PDE4DIP: variants seen among roughly 807,000 people sequenced by gnomAD.
PDE4DIP encodes phosphodiesterase 4D interacting protein, also known as myomegalin.
A neutral mutation model predicts 221.4 loss-of-function variants in PDE4DIP; 59 were observed. That is an observed-to-expected ratio of 0.27 (90% CI 0.22 to 0.33). The LOEUF (loss-of-function observed/expected upper bound fraction) is 0.33, where lower values mean the gene tolerates loss of function less well. Among genes scored for constraint, PDE4DIP ranks in the 10% least tolerant of loss-of-function variants. The pLI is 1.00. For synonymous variants in PDE4DIP, 404 were observed against 815.9 expected, an observed-to-expected ratio of 0.50 and a Z score of 8.60; for missense variants, 1,036 against 2,154.2, an observed-to-expected ratio of 0.48 and a Z score of 10.28.
At chr1:148,877,007 G>A (rs1358538580) in intron 3 of PDE4DIP, among the ~76,000 whole-genome samples, 7 of 144,144 alleles carry the variant, frequency 4.9e-5, no homozygotes, top group Non-Finnish European at 7.4e-5. Flanking sequence ...GCTAGACTCC[G>A]TCTCAAAAAA....
chr1:148,933,609 G>A (rs2048551191), intron 4 of PDE4DIP, among the ~76,000 whole-genome samples: 1 of 152,166 alleles, frequency 6.6e-6, no homozygotes, highest in Non-Finnish European at 1.5e-5. Flanking sequence ...GCATAAGACT[G>A]TGGTGGTATA....
exon 21 of PDE4DIP, chr1:148,981,349 A>G (rs1553542787): frequency 6.2e-7 from 1 of 1,614,080 alleles, no homozygotes; most frequent in Non-Finnish European, 8.5e-7. Flanking sequence ...AGTTCTTGGA[A>G]GAAGCTTGGA....
chr1:148,978,261 T>A lies in PDE4DIP; in HGVS notation c.2437-17T>A, dbSNP rs2060535114. On this transcript the variant is annotated splice_polypyrimidine_tract_variant and intron_variant, in intron 18 of 43. Coordinates refer to ENST00000369354, the Ensembl canonical transcript of PDE4DIP. ...TTATTACTATTTTCACATCCATACT[T>A]ATTTTTTGACTTCTAGGACCTGCAA... The A allele has an allele frequency of 6.3e-7, 1 of 1,577,326 alleles. No homozygotes were observed. The highest frequency in any genetic ancestry group is 8.6e-7 in the Non-Finnish European group (1 of 1,156,110).
chr1:148,998,432 G>A (rs1165491668), intron 23 of PDE4DIP, 57 bp downstream of exon 26: 20 of 887,442 alleles, frequency 2.3e-5, no homozygotes, highest in Non-Finnish European at 3.3e-5. Flanking sequence ...CCACAGCCAA[G>A]GGGTGCCTAT....
chr1:149,002,956 A>G (rs367810691), exon 25 of PDE4DIP: 3 of 719,630 alleles, frequency 4.2e-6, no homozygotes, highest in Non-Finnish European at 7.4e-6. Flanking sequence ...AAACAACGCT[A>G]TCAAGATCTC....
intron 4 of PDE4DIP, among the ~76,000 whole-genome samples, chr1:148,934,646 C>A (rs1280919454): frequency 6.6e-6 from 1 of 152,090 alleles, no homozygotes; most frequent in East Asian, 1.9e-4. Flanking sequence ...CTCTGTTGCC[C>A]AGGGTGGAGT....
At chr1:148,816,460 GT>G (rs1553356276) in intron 1 of PDE4DIP, among the ~76,000 whole-genome samples, 1 of 148,722 alleles carries the variant, frequency 6.7e-6, no homozygotes, top group African/African-American at 2.4e-5. Flanking sequence ...TTCTGTTTTT[GT>G]TTTTTAAAAT....
intron 6 of PDE4DIP, 57 bp downstream of exon 9, chr1:148,960,842 C>G (rs1435943886): frequency 3.9e-6 from 2 of 517,668 alleles, no homozygotes; most frequent in Non-Finnish European, 7.0e-6. Flanking sequence ...ATGTGACTGG[C>G]TCTAGCCTGA....
intron 5 of PDE4DIP, chr1:148,942,134 C>T (rs11810894): frequency 2.0e-4 from 31 of 152,300 alleles, no homozygotes; most frequent in East Asian, 1.5e-3. Context: ...AAGTGAAGAA[C>T]GCTAATTTAC....
chr1:148,984,045 TTAGA>T (rs1466063547), intron 21 of PDE4DIP: 4 of 152,186 alleles, frequency 2.6e-5, no homozygotes, highest in African/African-American at 4.8e-5. Context: ...ATAAATGTCC[TTAGA>T]TAGATATTGT....
rs782305512 is a variant in PDE4DIP, at chr1:149,032,094, C to A, written c.*109C>A. The A allele has an allele frequency of 3.1e-6, 5 of 1,600,068 alleles. No individual in the cohort carries two copies. The South Asian group carries it at 5.6e-5, about 18-fold the overall frequency. On this transcript the variant is annotated 3_prime_UTR_variant, in exon 44 of 44. Coordinates refer to ENST00000369354, the Ensembl canonical transcript of PDE4DIP. Reference sequence around the variant, plus strand: ...GTGCAGCTACCTATCTGCTGAGGAGCATCTGGGCCTCATTCCTCCAAGTCC... The same window carrying A: ...GTGCAGCTACCTATCTGCTGAGGAGAATCTGGGCCTCATTCCTCCAAGTCC...
chr1:148,978,441 T>C, intron 19 of PDE4DIP, 26 bp downstream of exon 22: 1 of 1,445,180 alleles, frequency 6.9e-7, no homozygotes, highest in Admixed American at 2.2e-5. Flanking sequence ...ATAAACCTTA[T>C]TTATTTATTT....
chr1:148,932,860 A>T (rs1553471977), intron 4 of PDE4DIP: 1 of 239,726 alleles, frequency 4.2e-6, no homozygotes, highest in Non-Finnish European at 8.3e-6. Flanking sequence ...AGGTGATTAA[A>T]TCATAGACAT....
At chr1:149,012,523 T>C in intron 31 of PDE4DIP, 68 bp from the exon 35 acceptor site, 3 of 809,376 alleles carry the variant, frequency 3.7e-6, no homozygotes, top group Non-Finnish European at 5.9e-6. Flanking sequence ...TCTCAATCTT[T>C]TACCCATTCT....
chr1:148,964,325 C>T (rs1455076712), intron 9 of PDE4DIP, among the ~76,000 whole-genome samples: 1 of 151,954 alleles, frequency 6.6e-6, no homozygotes, highest in Non-Finnish European at 1.5e-5. Flanking sequence ...TCAGGTTGGT[C>T]TCAAACTCCC....
chr1:148,950,382 AC>A (rs1208530393), intron 5 of PDE4DIP, among the ~76,000 whole-genome samples: 2 of 152,220 alleles, frequency 1.3e-5, no homozygotes, highest in African/African-American at 4.8e-5. Context: ...TTTTACTTGA[AC>A]TGCTTTTCTA....
intron 9 of PDE4DIP, among the ~76,000 whole-genome samples, chr1:148,963,331 G>A (rs1247068789): frequency 1.3e-5 from 2 of 152,192 alleles, no homozygotes; most frequent in African/African-American, 2.4e-5. Flanking sequence ...GTCTTAGAAT[G>A]TATCCCCTGT....
intron 5 of PDE4DIP, among the ~76,000 whole-genome samples, chr1:148,956,447 T>C (rs1170557635): frequency 6.6e-6 from 1 of 152,172 alleles, no homozygotes; most frequent in African/African-American, 2.4e-5. Flanking sequence ...AGTGTAGTTC[T>C]GCTTACTGAT....
chr1:148,992,308 G>A, intron 22 of PDE4DIP: 1 of 1,591,620 alleles, frequency 6.3e-7, no homozygotes, highest in Non-Finnish European at 8.6e-7. Context: ...TTCCCCTTGG[G>A]CTTTTTGTAA....
Sources: allele counts gnomAD v4.1 joint callset (sites outside exome capture counted in the v4.1 genomes callset), GRCh38; gene constraint gnomAD v4.1.1; transcripts MANE v1.5; gene names NCBI Gene and HGNC (gene_info 2026-07-23, HGNC 2026-07-21).